FAM209A: variants seen among roughly 807,000 people sequenced by gnomAD.
The protein encoded by FAM209A is protein FAM209A.
In FAM209A, 4 loss-of-function variants were observed where a neutral mutation model predicts 9.8. That is an observed-to-expected ratio of 0.41 (90% confidence interval 0.20 to 0.94). The LOEUF is 0.94. Ranked by LOEUF, FAM209A falls within the 40% of genes least tolerant of loss-of-function variation. The pLI, the probability that FAM209A is intolerant of heterozygous loss-of-function variation, is 0.32. For missense variants in FAM209A, 205 were observed against 209.4 expected (o/e 0.98, Z 0.13); for synonymous variants, 55 against 77.8 (o/e 0.71, Z 1.54).
chr20:56,530,214 A>G (rs1469986052), downstream of FAM209A, among the ~76,000 whole-genome samples: 1 of 145,400 alleles, frequency 6.9e-6, no homozygotes, highest in African/African-American at 2.5e-5. Context: ...TATCTACTGT[A>G]TGCCATTTTG....
chr20:56,532,421 C>T, the FAM209A span, among the ~76,000 whole-genome samples: 1 of 151,466 alleles, frequency 6.6e-6, no homozygotes, highest in African/African-American at 2.4e-5. Context: ...GGTTCTATGA[C>T]AGTGTGGGCC....
downstream of FAM209A, among the ~76,000 whole-genome samples, chr20:56,528,623 T>A (rs1351137747): frequency 1.3e-5 from 2 of 151,824 alleles, no homozygotes; most frequent in East Asian, 3.9e-4. Flanking sequence ...TTGGGGTGCT[T>A]TAGTCCTTAG....
chr20:56,531,109 T>C (rs1985729367), downstream of FAM209A, among the ~76,000 whole-genome samples: 1 of 152,128 alleles, frequency 6.6e-6, no homozygotes. Flanking sequence ...GTTGTCAAGC[T>C]AGCTGTTCCT....
the FAM209A span, among the ~76,000 whole-genome samples, chr20:56,531,969 CTTTTCTTTTT>C: frequency 7.4e-6 from 1 of 135,438 alleles, no homozygotes; most frequent in African/African-American, 2.8e-5. Context: ...CTTTTCTTTT[CTTTTCTTTTT>C]TTTTTTTTTT....
At position 56,524,994 on chromosome 20, in the gene FAM209A, G is replaced by T; in HGVS notation, c.186G>T (p.Trp62Cys). The T allele has an allele frequency of 1.2e-6, 2 of 1,614,196 alleles. No individual in the cohort carries two copies. The highest frequency in any genetic ancestry group is 1.7e-6 in the Non-Finnish European group (2 of 1,180,048). Reference protein sequence around the residue: ...TQGWLGSKWLWLLFVVVPFVI... With the variant: ...TQGWLGSKWLCLLFVVVPFVI... ...GCTGGCTTGGGAGCAAATGGCTCTG[G>T]CTTCTTTTTGTTGTTGTGCCGTTTG... The change falls in exon 1 of 2, where the codon TGG (tryptophan) becomes TGT (cysteine). Residue 62 changes from tryptophan (W) to cysteine (C), a missense_variant. Trp to Cys is a radical substitution (Grantham distance 215). Transcript: ENST00000371328.
At chr20:56,527,711 A>G (rs886582457), downstream of FAM209A, among the ~76,000 whole-genome samples, 11 of 152,352 alleles carry the variant, frequency 7.2e-5, no homozygotes, top group African/African-American at 2.4e-4. Flanking sequence ...ACAGCAGCCC[A>G]GATGCCTGGG....
At chr20:56,529,081 G>A (rs1331527143), downstream of FAM209A, among the ~76,000 whole-genome samples, 1 of 151,850 alleles carries the variant, frequency 6.6e-6, no homozygotes, top group Admixed American at 6.6e-5. Flanking sequence ...AGTGGTGCCT[G>A]CCTGTAATCC....
At position 56,524,889 on chromosome 20, in the gene FAM209A, G is replaced by A. The variant is rs1483183707; in HGVS notation, c.81G>A (p.Gln27=). ...CCTTTATGTTCTCTTCTCTGAGACAGAAAACTAGCGAACCCCAGGGGAAGG... is the reference window on the plus strand; with the variant it reads ...CCTTTATGTTCTCTTCTCTGAGACAAAAAACTAGCGAACCCCAGGGGAAGG... ...SYAFMFSSLR[Q]KTSEPQGKVQ... Residue 27 remains glutamine, a synonymous_variant, in exon 1 of 2, where the codon CAG becomes CAA. Transcript: ENST00000371328. 6.2e-7 allele frequency: 1 copy of A among 1,614,038 alleles called. No homozygotes were observed. Among genetic ancestry groups the A allele is most frequent in the African/African-American group, 1.3e-5 (1 of 74,928 alleles).
At chr20:56,526,857 A>C (rs564263483), downstream of FAM209A, among the ~76,000 whole-genome samples, 2 of 152,304 alleles carry the variant, frequency 1.3e-5, no homozygotes, top group South Asian at 2.1e-4. Flanking sequence ...GATTGAGCCT[A>C]GGAGTTTGAA....
the FAM209A span, among the ~76,000 whole-genome samples, chr20:56,532,961 TCAGCTCCACGGGGCA>T: frequency 6.6e-6 from 1 of 152,180 alleles, no homozygotes; most frequent in Non-Finnish European, 1.5e-5. Context: ...CCCATTTAAC[TCAGCTCCACGGGGCA>T]CATGGCATCT....
At chr20:56,532,064 TC>T in the FAM209A span, among the ~76,000 whole-genome samples, 1 of 150,368 alleles carries the variant, frequency 6.7e-6, no homozygotes, top group Non-Finnish European at 1.5e-5. Context: ...AACCTCTACT[TC>T]CTGGGTTCAA....
downstream of FAM209A, among the ~76,000 whole-genome samples, chr20:56,527,854 C>G (rs1985605700): frequency 6.6e-6 from 1 of 152,226 alleles, no homozygotes; most frequent in Non-Finnish European, 1.5e-5. Context: ...TGTCTGTAAT[C>G]CCAGCACTTT....
Position 56,525,743 on chromosome 20 carries a change from G to A in FAM209A, c.250-61G>A, listed in dbSNP as rs560955725. The A allele has an allele frequency of 4.5e-4, 698 of 1,549,638 alleles. 1 individual carries two copies. Among genetic ancestry groups the A allele is most frequent in the Non-Finnish European group, 6.0e-4 (678 of 1,138,122 alleles). On this transcript the variant is annotated intron_variant, in intron 1 of 1. Coordinates refer to ENST00000371328, the MANE Select transcript of FAM209A (RefSeq NM_001012971.4). ...CTACTCAAGTCTGCTGTTGTAACAC[G>A]AACTGTGTCAAAACCAACAAAGTTC...
rs1353037965 is a variant in FAM209A at position 56,524,753 on chromosome 20, G to T, written c.-56G>T. The T allele has an allele frequency of 7.5e-6, 12 of 1,601,976 alleles. No individual in the cohort carries two copies. Among genetic ancestry groups the T allele is most frequent in the Non-Finnish European group, 1.0e-5 (12 of 1,172,820 alleles). On this transcript the variant is annotated 5_prime_UTR_variant, in exon 1 of 2. Transcript: ENST00000371328. ...CTGGCACCAGGTGCCCAGTCTCCCAGTTGCGAGGGCAAGCAAACCCGTCAT... is the reference window on the plus strand; with the variant it reads ...CTGGCACCAGGTGCCCAGTCTCCCATTTGCGAGGGCAAGCAAACCCGTCAT...
downstream of FAM209A, among the ~76,000 whole-genome samples, chr20:56,526,436 G>A (rs572993205): frequency 7.2e-5 from 11 of 152,256 alleles, no homozygotes; most frequent in East Asian, 1.5e-3. Context: ...TGTGCAAGAT[G>A]CAGAACTGCT....
intron 1 of FAM209A, 69 bp downstream of exon 1, chr20:56,525,126 C>T: frequency 6.3e-7 from 1 of 1,587,058 alleles, no homozygotes; most frequent in South Asian, 1.2e-5. Flanking sequence ...AACGGATGTT[C>T]TAGTGAGTCT....
downstream of FAM209A, among the ~76,000 whole-genome samples, chr20:56,527,933 C>A (rs1467792137): frequency 6.6e-6 from 1 of 152,106 alleles, no homozygotes; most frequent in Admixed American, 6.5e-5. Context: ...ATGGTGAAAA[C>A]CCGTCTCTAT....
chr20:56,530,728 C>T (rs1055246202), downstream of FAM209A, among the ~76,000 whole-genome samples: 9 of 148,504 alleles, frequency 6.1e-5, no homozygotes, highest in Admixed American at 1.4e-4. Flanking sequence ...AGGCTGGTCT[C>T]GAACTCCTGA....
At position 56,526,099 on chromosome 20, in the gene FAM209A, G is replaced by T; in HGVS notation, c.*29G>T. On this transcript the variant is annotated 3_prime_UTR_variant, in exon 2 of 2. Coordinates refer to ENST00000371328, the MANE Select transcript of FAM209A (RefSeq NM_001012971.4). ...GATTTGTGTGTCAGGAGAGAAAAAA[G>T]TTGAGTGTTGACAAACTGTATGCAA... The T allele has an allele frequency of 1.9e-6, 3 of 1,544,060 alleles. No homozygotes were observed. The South Asian group carries it at 3.8e-5, about 20-fold the overall frequency.
Sources: gnomAD v4.1 joint callset for allele counts (sites outside exome capture counted in the v4.1 genomes callset) on GRCh38, gnomAD v4.1.1 for gene constraint, MANE v1.5 for transcripts, NCBI Gene and HGNC (gene_info 2026-07-23, HGNC 2026-07-21) for gene names.